Variants in ARSB observed in about 807,000 individuals in gnomAD.
ARSB encodes the protein arylsulfatase B.
In ARSB, 41 loss-of-function variants were observed where a neutral mutation model predicts 50.9. The ratio of observed to expected loss-of-function variants is 0.81; its 90% CI spans 0.63 to 1.04. The LOEUF (loss-of-function observed/expected upper bound fraction) is 1.04, where lower values mean the gene tolerates loss of function less well. Ranked by LOEUF, ARSB falls within the 50% of genes least tolerant of loss-of-function variation. The pLI, the probability that ARSB is intolerant of heterozygous loss-of-function variation, is 0.00. For missense variants in ARSB, 672 were observed against 693.3 expected (o/e 0.97, Z 0.35); for synonymous variants, 269 against 284.8 (o/e 0.94, Z 0.56).
At chr5:78,790,989 T>G (rs1224988175) in intron 6 of ARSB, among the ~76,000 whole-genome samples, 1 of 152,220 alleles carries the variant, frequency 6.6e-6, no homozygotes, top group Non-Finnish European at 1.5e-5. Flanking sequence ...TTCTGTCCGG[T>G]TTGTTTGGCC....
chr5:78,881,883 T>C (rs1747762500), intron 5 of ARSB, among the ~76,000 whole-genome samples: 1 of 152,270 alleles, frequency 6.6e-6, no homozygotes, highest in Non-Finnish European at 1.5e-5. Flanking sequence ...TTAATGTGTA[T>C]ACATGGGAGC....
At position 78,984,933 on chromosome 5, in the gene ARSB, G is replaced by T; in HGVS notation, c.312+4C>A. On this transcript the variant is annotated splice_donor_region_variant and intron_variant, in intron 1 of 7. Coordinates refer to ENST00000264914, the MANE Select transcript of ARSB (RefSeq NM_000046.5). ...GCGGCGCGGGCGGCGGGGGCGCCGCGTACCTGGTAGCGGCCAGTGAGCAGC... is the reference window on the plus strand; with the variant it reads ...GCGGCGCGGGCGGCGGGGGCGCCGCTTACCTGGTAGCGGCCAGTGAGCAGC... The T allele has an allele frequency of 7.3e-7, 1 of 1,377,116 alleles. No individual in the cohort carries two copies. 85.3% of individuals were successfully genotyped at this position (1,377,116 alleles called of 1,614,324 possible).
intron 5 of ARSB, 109 bp from the exon 6 acceptor site, chr5:78,839,535 A>T: frequency 5.1e-6 from 5 of 989,100 alleles, no homozygotes; most frequent in Non-Finnish European, 4.7e-6. Flanking sequence ...CTGCCAGTTA[A>T]CAACTCTGTC....
At chr5:78,803,979 C>T (rs1467498746) in intron 6 of ARSB, among the ~76,000 whole-genome samples, 1 of 152,232 alleles carries the variant, frequency 6.6e-6, no homozygotes, top group African/African-American at 2.4e-5. Context: ...TATTCTCCCA[C>T]CCGAGGGCAC....
intron 6 of ARSB, among the ~76,000 whole-genome samples, chr5:78,831,671 C>T (rs1221444191): frequency 6.6e-6 from 1 of 152,140 alleles, no homozygotes; most frequent in East Asian, 1.9e-4. Context: ...TGATATTTAA[C>T]AGCATGCATG....
At chr5:78,908,987 T>G (rs1749188405) in intron 4 of ARSB, among the ~76,000 whole-genome samples, 1 of 152,114 alleles carries the variant, frequency 6.6e-6, no homozygotes, top group Non-Finnish European at 1.5e-5. Flanking sequence ...GCTTTATATA[T>G]TAAACAAAGA....
intron 6 of ARSB, among the ~76,000 whole-genome samples, chr5:78,827,884 C>G (rs1346226708): frequency 6.6e-6 from 1 of 150,790 alleles, no homozygotes; most frequent in Admixed American, 6.6e-5. Flanking sequence ...TTTTACTTCA[C>G]TGAGAGTTTC....
intron 6 of ARSB, among the ~76,000 whole-genome samples, chr5:78,798,609 G>A (rs1255902572): frequency 6.6e-6 from 1 of 152,182 alleles, no homozygotes; most frequent in Non-Finnish European, 1.5e-5. Context: ...TCATATTCCG[G>A]TGTGCAGGAA....
intron 4 of ARSB, among the ~76,000 whole-genome samples, chr5:78,892,765 A>C (rs907002886): frequency 1.3e-5 from 2 of 152,222 alleles, no homozygotes; most frequent in African/African-American, 2.4e-5. Context: ...GTTCAAATAC[A>C]CATTTGATTA....
chr5:78,869,622 A>T (rs1240300906), intron 5 of ARSB, among the ~76,000 whole-genome samples: 1 of 152,052 alleles, frequency 6.6e-6, no homozygotes. Context: ...CAGCGAGAAC[A>T]AAGACACAAC....
intron 4 of ARSB, among the ~76,000 whole-genome samples, chr5:78,945,585 G>C (rs1751188003): frequency 6.6e-6 from 1 of 152,098 alleles, no homozygotes; most frequent in Non-Finnish European, 1.5e-5. Flanking sequence ...GTGAAAATCT[G>C]ATCCTGCTTA....
In ARSB at chr5:78,969,352, T is replaced by G. The variant is rs1167289149; in HGVS notation, c.313-160A>C. Among the ~76,000 whole-genome samples, 3 of 152,184 alleles carry G rather than the reference T, an allele frequency of 2.0e-5. No individual in the cohort carries two copies. The South Asian group carries it at 6.2e-4, about 31-fold the overall frequency. On this transcript the variant is annotated intron_variant, in intron 1 of 7. Transcript: ENST00000264914. ...ATATTTCTGAAAGGCAGAATTCTCT[T>G]ATTCAAATGAAGTAGTGGACATAAA...
At chr5:78,854,948 C>T (rs1485449120) in intron 5 of ARSB, among the ~76,000 whole-genome samples, 1 of 152,106 alleles carries the variant, frequency 6.6e-6, no homozygotes, top group South Asian at 2.1e-4. Context: ...TATGCTGTAC[C>T]CTAGAATGGC....
chr5:78,827,052 C>T (rs1317733083), intron 6 of ARSB, among the ~76,000 whole-genome samples: 1 of 152,150 alleles, frequency 6.6e-6, no homozygotes, highest in African/African-American at 2.4e-5. Flanking sequence ...CAGATAGTGA[C>T]AAGAGACTGT....
At chr5:78,840,165 A>C (rs1745139934) in intron 5 of ARSB, among the ~76,000 whole-genome samples, 1 of 152,236 alleles carries the variant, frequency 6.6e-6, no homozygotes, top group African/African-American at 2.4e-5. Flanking sequence ...GGAGCACAAT[A>C]GGCACCCAGG....
chr5:78,791,524 G>GT (rs1174777579), intron 6 of ARSB, among the ~76,000 whole-genome samples: 2 of 152,184 alleles, frequency 1.3e-5, no homozygotes, highest in African/African-American at 2.4e-5. Context: ...CCCAGAGCCC[G>GT]TGAGTCCCCC....
chr5:78,913,604 G>C (rs564985395), intron 4 of ARSB, among the ~76,000 whole-genome samples: 1 of 152,214 alleles, frequency 6.6e-6, no homozygotes, highest in African/African-American at 2.4e-5. Flanking sequence ...TTTTACAAAA[G>C]TGAGTTAGAG....
intron 5 of ARSB, chr5:78,882,765 G>C (rs906095677): frequency 2.9e-5 from 4 of 139,194 alleles, no homozygotes; most frequent in Non-Finnish European, 6.2e-5. Flanking sequence ...TTCTAGGTAA[G>C]ATTTGAGTGA....
chr5:78,922,049 C>A (rs1046917491), intron 4 of ARSB, among the ~76,000 whole-genome samples: 2 of 152,168 alleles, frequency 1.3e-5, no homozygotes, highest in Non-Finnish European at 2.9e-5. Context: ...ATCAACAATC[C>A]CAGTGGTTGG....
Sources: gnomAD v4.1 joint callset for allele counts (sites outside exome capture counted in the v4.1 genomes callset) on GRCh38, gnomAD v4.1.1 for gene constraint, MANE v1.5 for transcripts, NCBI Gene and HGNC (gene_info 2026-07-23, HGNC 2026-07-21) for gene names.